CCSER1: variants seen among roughly 807,000 people sequenced by gnomAD.
The protein encoded by CCSER1 is serine-rich coiled-coil domain-containing protein 1.
CCSER1 carries 41 observed loss-of-function variants against 82.0 expected under a neutral mutation model. The observed-to-expected ratio is 0.50, with a 90% CI of 0.39 to 0.65. The LOEUF (loss-of-function observed/expected upper bound fraction) is 0.65. CCSER1 is among the 30% of genes least tolerant of loss of function. The pLI is 0.00. For missense variants in CCSER1, 1,119 were observed against 1,064.2 expected (o/e 1.05, Z -0.72); for synonymous variants, 414 against 383.9 (o/e 1.08, Z -0.92).
At chr4:91,575,433 T>C (rs993840461) in intron 10 of CCSER1, among the ~76,000 whole-genome samples, 1 of 151,816 alleles carries the variant, frequency 6.6e-6, no homozygotes, top group Non-Finnish European at 1.5e-5. Flanking sequence ...AGATAACCCA[T>C]TGAATAAGAG....
chr4:90,308,827 C>T lies in CCSER1; in HGVS notation c.543C>T (p.Leu181=), dbSNP rs1734800261. 2 of 1,613,596 alleles carry T rather than the reference C, an allele frequency of 1.2e-6. No individual in the cohort carries two copies. Among genetic ancestry groups the T allele is most frequent in the African/African-American group, 1.3e-5 (1 of 74,890 alleles). The change falls in exon 2 of 11, where the codon CTC becomes CTT. Residue 181 remains leucine (L), a synonymous_variant. Transcript: ENST00000509176. ...TTAAGCAGTCAACAAGGAAGCTACT[C>T]CCTAAATCTTTTTCATCTCACTATA... The part of the protein sequence containing the change: ...RSVKQSTRKL[L]PKSFSSHYKF...
intron 10 of CCSER1, among the ~76,000 whole-genome samples, chr4:91,127,395 G>A (rs1018989726): frequency 3.3e-5 from 5 of 151,934 alleles, no homozygotes; most frequent in Admixed American, 6.6e-5. Flanking sequence ...ACCTCCCCTC[G>A]TTTGTCATTC....
chr4:90,559,809 CA>C (rs1236087772), intron 5 of CCSER1, among the ~76,000 whole-genome samples: 820 of 39,664 alleles, frequency 0.021, no homozygotes, highest in Middle Eastern at 0.08. Context: ...GACTCCGTCT[CA>C]AAAAAAAAAA....
intron 5 of CCSER1, among the ~76,000 whole-genome samples, chr4:90,615,200 T>C (rs1211213670): frequency 6.6e-6 from 1 of 152,204 alleles, no homozygotes; most frequent in Non-Finnish European, 1.5e-5. Context: ...ATGCACCTGG[T>C]CAACCAAGCA....
rs572206296 is a variant in CCSER1 at position 90,422,736 on chromosome 4, A to G, written c.1603+22607A>G. 3.3e-5 allele frequency among the ~76,000 whole-genome samples: 5 copies of G among 152,314 alleles called. No homozygotes were observed. The East Asian group carries it at 9.6e-4, about 29-fold the overall frequency. On this transcript the variant is annotated intron_variant, in intron 4 of 10. Transcript: ENST00000509176. ...CTAATTTTCTGCTATGTTTATTTTT[A>G]GGCAGGCGACTTTGGGTAACATTAC...
chr4:91,451,244 C>A (rs897885995), intron 10 of CCSER1, among the ~76,000 whole-genome samples: 3 of 152,026 alleles, frequency 2.0e-5, no homozygotes, highest in South Asian at 2.1e-4. Flanking sequence ...GATACCATTA[C>A]CTTGGGGGTT....
At chr4:91,441,201 C>G (rs1755109959) in intron 10 of CCSER1, among the ~76,000 whole-genome samples, 1 of 152,014 alleles carries the variant, frequency 6.6e-6, no homozygotes, top group Non-Finnish European at 1.5e-5. Flanking sequence ...CCTTGATGAA[C>G]ATTGATACAA....
chr4:91,466,666 C>CA (rs1399215529), intron 10 of CCSER1, among the ~76,000 whole-genome samples: 3 of 152,184 alleles, frequency 2.0e-5, no homozygotes, highest in Admixed American at 2.0e-4. Flanking sequence ...TCTCAGGATA[C>CA]AAAATCAATG....
intron 10 of CCSER1, among the ~76,000 whole-genome samples, chr4:91,536,611 C>A (rs1560746002): frequency 6.6e-6 from 1 of 152,082 alleles, no homozygotes; most frequent in Non-Finnish European, 1.5e-5. Flanking sequence ...TAATTTATTG[C>A]TTTGGCACCC....
intron 10 of CCSER1, among the ~76,000 whole-genome samples, chr4:91,253,687 G>A (rs1423881453): frequency 6.6e-6 from 1 of 152,148 alleles, no homozygotes; most frequent in Non-Finnish European, 1.5e-5. Flanking sequence ...CATAGTAACT[G>A]TATTAGTTCA....
intron 1 of CCSER1, among the ~76,000 whole-genome samples, chr4:90,192,320 G>C (rs72876151): frequency 0.25 from 37,804 of 151,868 alleles, 6,515 homozygotes; most frequent in East Asian, 0.65. Context: ...CTCCCACCTG[G>C]TCCCTCCCAC....
chr4:91,070,499 C>T (rs114842595), intron 9 of CCSER1, among the ~76,000 whole-genome samples: 1,669 of 152,260 alleles, frequency 0.011, 28 homozygotes, highest in African/African-American at 0.037. Context: ...CCCCAGGCCA[C>T]GGACCATGCT....
chr4:90,155,049 A>G (rs1379232325), intron 1 of CCSER1, among the ~76,000 whole-genome samples: 14 of 152,154 alleles, frequency 9.2e-5, no homozygotes, highest in African/African-American at 2.4e-4. Context: ...TTTGAGATAC[A>G]TCCCATCAAT....
intron 3 of CCSER1, among the ~76,000 whole-genome samples, chr4:90,371,135 A>G (rs1219384580): frequency 4.7e-5 from 7 of 149,692 alleles, no homozygotes; most frequent in African/African-American, 1.7e-4. Flanking sequence ...AGCTGCATAT[A>G]GGTTTATATG....
At chr4:90,476,359 C>G (rs991207401) in intron 5 of CCSER1, among the ~76,000 whole-genome samples, 1 of 151,998 alleles carries the variant, frequency 6.6e-6, no homozygotes, top group Admixed American at 6.6e-5. Context: ...GACCACATAA[C>G]GCACAACCCA....
chr4:90,158,972 C>G (rs1484133167), intron 1 of CCSER1, among the ~76,000 whole-genome samples: 5 of 152,136 alleles, frequency 3.3e-5, no homozygotes, highest in Non-Finnish European at 5.9e-5. Flanking sequence ...TTCTGCTTCA[C>G]TCACACTGGG....
chr4:91,459,269 T>C (rs1479898689), intron 10 of CCSER1, among the ~76,000 whole-genome samples: 5 of 152,128 alleles, frequency 3.3e-5, no homozygotes, highest in African/African-American at 4.8e-5. Flanking sequence ...TAAGAGGTTA[T>C]AGAGCATAAT....
At chr4:91,550,085 A>C (rs1762090301) in intron 10 of CCSER1, among the ~76,000 whole-genome samples, 1 of 152,164 alleles carries the variant, frequency 6.6e-6, no homozygotes, top group Non-Finnish European at 1.5e-5. Flanking sequence ...TCCTTCCTCC[A>C]GGTATGTCAG....
rs1359301594 is a variant in CCSER1 at position 90,819,674 on chromosome 4, A to G, written c.2094+3829A>G. ...ATTTCTAATGTGAATGTATTTTTGT[A>G]TTTTATAGCCACACTTCCAATTTAT... On this transcript the variant is annotated intron_variant, in intron 8 of 10. Transcript: ENST00000509176. 1.1e-4 allele frequency among the ~76,000 whole-genome samples: 16 copies of G among 152,228 alleles called. No homozygotes were observed. In the South Asian group the frequency reaches 1.2e-3, roughly 12 times the overall value.
Sources: allele counts gnomAD v4.1 joint callset (sites outside exome capture counted in the v4.1 genomes callset), GRCh38; gene constraint gnomAD v4.1.1; transcripts MANE v1.5; gene names NCBI Gene and HGNC (gene_info 2026-07-23, HGNC 2026-07-21).